Variants in PRKCE observed in about 807,000 individuals in gnomAD.
The protein encoded by PRKCE is protein kinase C epsilon type.
Under a neutral mutation model 85.4 loss-of-function variants are expected in PRKCE, and 16 were observed. The observed-to-expected ratio is 0.19, with a 90% CI of 0.13 to 0.28. The LOEUF (loss-of-function observed/expected upper bound fraction) is 0.28, where lower values mean the gene tolerates loss of function less well. Among genes scored for constraint, PRKCE ranks in the 10% least tolerant of loss-of-function variants. The pLI is 1.00. For synonymous variants in PRKCE, 388 were observed against 371.5 expected, an observed-to-expected ratio of 1.04 and a Z score of -0.51; for missense variants, 573 against 975.2, an observed-to-expected ratio of 0.59 and a Z score of 5.49.
At chr2:45,917,565 G>T (rs935198006) in intron 2 of PRKCE, among the ~76,000 whole-genome samples, 4 of 152,240 alleles carry the variant, frequency 2.6e-5, no homozygotes, top group Non-Finnish European at 5.9e-5. Flanking sequence ...AGACATAAAG[G>T]TTCTCCACGT....
At chr2:45,656,031 G>C (rs1185376815) in intron 1 of PRKCE, among the ~76,000 whole-genome samples, 1 of 152,170 alleles carries the variant, frequency 6.6e-6, no homozygotes, top group Non-Finnish European at 1.5e-5. Flanking sequence ...GTCAGGGTTG[G>C]AGAATGGATG....
At chr2:45,739,010 T>A (rs937186104) in intron 1 of PRKCE, among the ~76,000 whole-genome samples, 1 of 152,238 alleles carries the variant, frequency 6.6e-6, no homozygotes, top group African/African-American at 2.4e-5. Context: ...GGGATGACAG[T>A]GCTCATATGA....
At chr2:45,886,088 C>T (rs1239862281) in intron 2 of PRKCE, among the ~76,000 whole-genome samples, 1 of 152,166 alleles carries the variant, frequency 6.6e-6, no homozygotes, top group Non-Finnish European at 1.5e-5. Flanking sequence ...TGCCACTGAC[C>T]CCACGTTTGC....
chr2:45,933,928 A>G (rs1699250281), intron 2 of PRKCE, among the ~76,000 whole-genome samples: 1 of 152,020 alleles, frequency 6.6e-6, no homozygotes, highest in Non-Finnish European at 1.5e-5. Flanking sequence ...AAGTGCAGGT[A>G]CTCCTGGCTT....
intron 1 of PRKCE, among the ~76,000 whole-genome samples, chr2:45,804,838 C>G (rs1688123004): frequency 6.6e-6 from 1 of 151,914 alleles, no homozygotes; most frequent in Non-Finnish European, 1.5e-5. Context: ...ATAGGAAGGC[C>G]AACCAGGAAT....
At chr2:46,143,916 C>T (rs1042771000) in intron 11 of PRKCE, among the ~76,000 whole-genome samples, 3 of 152,224 alleles carry the variant, frequency 2.0e-5, no homozygotes, top group African/African-American at 4.8e-5. Flanking sequence ...GGATCCCTGG[C>T]GATGGCCGGA....
At chr2:45,680,278 G>C (rs760969776) in intron 1 of PRKCE, among the ~76,000 whole-genome samples, 1 of 152,234 alleles carries the variant, frequency 6.6e-6, no homozygotes, top group Non-Finnish European at 1.5e-5. Flanking sequence ...AGCAAGACTG[G>C]TTCTTGCCAA....
intron 11 of PRKCE, among the ~76,000 whole-genome samples, chr2:46,143,996 C>T (rs1421484478): frequency 6.6e-6 from 1 of 152,210 alleles, no homozygotes; most frequent in South Asian, 2.1e-4. Flanking sequence ...CTTTGCAAGA[C>T]CCTTCACCCT....
At chr2:45,764,119 C>T (rs1293302810) in intron 1 of PRKCE, among the ~76,000 whole-genome samples, 5 of 152,122 alleles carry the variant, frequency 3.3e-5, no homozygotes. Context: ...TTCTTGTTAT[C>T]AGTGTATCTT....
intron 10 of PRKCE, among the ~76,000 whole-genome samples, chr2:46,055,886 C>G (rs1418012440): frequency 3.3e-5 from 5 of 152,200 alleles, no homozygotes; most frequent in Non-Finnish European, 7.3e-5. Flanking sequence ...TGGTCTTGAA[C>G]TCCTGGGCTC....
chr2:45,667,085 C>T (rs989377012), intron 1 of PRKCE, among the ~76,000 whole-genome samples: 19 of 152,004 alleles, frequency 1.2e-4, no homozygotes, highest in African/African-American at 2.7e-4. Flanking sequence ...CCGGGGCGGG[C>T]GAATCACCTG....
chr2:45,730,697 C>G (rs1681497922), intron 1 of PRKCE, among the ~76,000 whole-genome samples: 1 of 151,964 alleles, frequency 6.6e-6, no homozygotes, highest in African/African-American at 2.4e-5. Context: ...TGGCCTTAAG[C>G]TATCTACCCG....
At chr2:45,735,091 G>A (rs772657572) in intron 1 of PRKCE, among the ~76,000 whole-genome samples, 1 of 152,212 alleles carries the variant, frequency 6.6e-6, no homozygotes, top group Non-Finnish European at 1.5e-5. Context: ...GGCCAGGCCA[G>A]CATCTGGTGG....
In PRKCE at chr2:46,068,729, C is replaced by T. The variant is rs1333723021; in HGVS notation, c.1438-17479C>T. Among the ~76,000 whole-genome samples the T allele has an allele frequency of 2.6e-5, 4 of 152,208 alleles. No homozygotes were observed. Among genetic ancestry groups the T allele is most frequent in the East Asian group, 1.9e-4 (1 of 5,206 alleles). ...GAGCAGGAGGATAGGAAATGCCTGG[C>T]ATGTAGACGGGAGAGACTTGGAGCA... On this transcript the variant is annotated intron_variant, in intron 10 of 14. Coordinates refer to ENST00000306156, the MANE Select transcript of PRKCE (RefSeq NM_005400.3). This position sits in a 1 kb window ranked among gnomAD's most constrained non-coding sequence, Gnocchi z 4.3.
At chr2:45,770,703 T>G (rs1685249547) in intron 1 of PRKCE, 1 of 152,248 alleles carries the variant, frequency 6.6e-6, no homozygotes, top group Non-Finnish European at 1.5e-5. Flanking sequence ...ATGCCAGCTC[T>G]CTAACCGTAC....
In PRKCE at chr2:46,091,478, G is replaced by T. The variant is rs148994175; in HGVS notation, c.1592+5116G>T. On this transcript the variant is annotated intron_variant, in intron 11 of 14. Transcript: ENST00000306156. ...CTCAGACAGTGAGGGGAGTAGAGGG[G>T]CCTGGGAATGGAGTTGAAGGCTTGG... Among the ~76,000 whole-genome samples the T allele has an allele frequency of 1.5e-3, 232 of 152,294 alleles. 3 individuals carry two copies. Among genetic ancestry groups the T allele is most frequent in the African/African-American group, 5.4e-3 (226 of 41,544 alleles).
chr2:45,902,605 G>A (rs1696660666), intron 2 of PRKCE, among the ~76,000 whole-genome samples: 1 of 152,324 alleles, frequency 6.6e-6, no homozygotes, highest in East Asian at 1.9e-4. Context: ...GAGGCCAGGA[G>A]GGTCAGGGAA....
chr2:46,148,896 C>A (rs1676338133), intron 12 of PRKCE, among the ~76,000 whole-genome samples: 1 of 152,276 alleles, frequency 6.6e-6, no homozygotes, highest in South Asian at 2.1e-4. Context: ...GAATCACTGG[C>A]TCCTCAGGAC....
intron 1 of PRKCE, among the ~76,000 whole-genome samples, chr2:45,708,552 C>T (rs1573010134): frequency 6.6e-6 from 1 of 152,348 alleles, no homozygotes; most frequent in East Asian, 1.9e-4. Context: ...TAAGATGTGA[C>T]TTGCTCCTCC....
Sources: gnomAD v4.1 joint callset for allele counts (sites outside exome capture counted in the v4.1 genomes callset) on GRCh38, gnomAD v4.1.1 for gene constraint, Gnocchi (gnomAD v3.1) non-coding constraint, MANE v1.5 for transcripts, NCBI Gene and HGNC (gene_info 2026-07-23, HGNC 2026-07-21) for gene names.